Variants in INVS observed in about 807,000 individuals in gnomAD.
INVS encodes inversin.
In INVS, 86 loss-of-function variants were observed where a neutral mutation model predicts 108.8. That is an observed-to-expected ratio of 0.79 (90% CI 0.66 to 0.95). The LOEUF is 0.95. Ranked by LOEUF, INVS falls within the 40% of genes least tolerant of loss-of-function variation. The probability of loss-of-function intolerance (pLI) is 0.00; values close to 1 mark genes in which losing one functional copy is unlikely to be tolerated. For missense variants in INVS, 1,169 were observed against 1,297.4 expected (o/e 0.90, Z 1.52); for synonymous variants, 455 against 473.5 (o/e 0.96, Z 0.51).
intron 3 of INVS, among the ~76,000 whole-genome samples, chr9:100,167,041 G>A (rs1829384491): frequency 6.6e-6 from 1 of 152,032 alleles, no homozygotes; most frequent in Non-Finnish European, 1.5e-5. Flanking sequence ...GACCAGCCTG[G>A]CCAACATGGC....
At chr9:100,297,837 C>G (rs930503077) in intron 15 of INVS, 99 bp from the exon 16 acceptor site, 1 of 1,214,318 alleles carries the variant, frequency 8.2e-7, no homozygotes, top group Non-Finnish European at 1.2e-6. Flanking sequence ...TGACACACAC[C>G]TGCAAGCTCA....
intron 3 of INVS, among the ~76,000 whole-genome samples, chr9:100,192,807 T>C (rs1410253355): frequency 2.0e-5 from 3 of 152,168 alleles, no homozygotes; most frequent in Non-Finnish European, 2.9e-5. Flanking sequence ...ACTGATGAAG[T>C]TGAGTAATTT....
chr9:100,300,509 ATTCCC>A (rs1292599037), intron 16 of INVS, 54 bp from the exon 17 acceptor site: 1 of 1,163,658 alleles, frequency 8.6e-7, no homozygotes, highest in East Asian at 2.4e-5. Flanking sequence ...CCAATGAACT[ATTCCC>A]TTCAGCCTTA....
At chr9:100,207,899 C>T (rs1013404180) in intron 3 of INVS, among the ~76,000 whole-genome samples, 1 of 152,136 alleles carries the variant, frequency 6.6e-6, no homozygotes, top group Admixed American at 6.5e-5. Flanking sequence ...ATTTGGTCCA[C>T]AAAGGGCTTG....
chr9:100,285,410 G>A (rs1453964360), intron 13 of INVS, among the ~76,000 whole-genome samples: 4 of 152,110 alleles, frequency 2.6e-5, no homozygotes, highest in Non-Finnish European at 4.4e-5. Context: ...TCTTGGCATG[G>A]CTTTTTGCAG....
rs1401019147 is a variant in INVS, at chr9:100,202,005, G to A, written c.274-24057G>A. ...CATAGTGCTTCTCATATTCAGAGGC[G>A]GGTACAGTCATTAGGGGGTGCTTTT... On this transcript the variant is annotated intron_variant, in intron 3 of 16. Coordinates refer to ENST00000262457, the MANE Select transcript of INVS (RefSeq NM_014425.5). Among the ~76,000 whole-genome samples the A allele has an allele frequency of 7.2e-5, 11 of 152,132 alleles. No homozygotes were observed. The South Asian group carries it at 8.3e-4, about 11-fold the overall frequency.
chr9:100,287,281 T>C (rs528800067), intron 13 of INVS, among the ~76,000 whole-genome samples: 1 of 152,314 alleles, frequency 6.6e-6, no homozygotes, highest in Non-Finnish European at 1.5e-5. Flanking sequence ...AAAGCGAAGA[T>C]AAAAGCCACA....
At chr9:100,294,222 G>A (rs934625329) in intron 14 of INVS, among the ~76,000 whole-genome samples, 9 of 152,150 alleles carry the variant, frequency 5.9e-5, no homozygotes, top group Admixed American at 3.3e-4. Flanking sequence ...AGAGGAAGAC[G>A]GATGGGGAGG....
At chr9:100,124,888 A>G (rs1038185628) in intron 2 of INVS, among the ~76,000 whole-genome samples, 1 of 152,226 alleles carries the variant, frequency 6.6e-6, no homozygotes, top group Non-Finnish European at 1.5e-5. Context: ...TAAACGGACA[A>G]TCTGTCAAGG....
At chr9:100,174,956 T>G (rs1047241478) in intron 3 of INVS, among the ~76,000 whole-genome samples, 1 of 151,974 alleles carries the variant, frequency 6.6e-6, no homozygotes, top group South Asian at 2.1e-4. Flanking sequence ...ATCAAATTGC[T>G]GAAAACCAAA....
At position 100,148,651 on chromosome 9, in the gene INVS, G is replaced by A. The variant is rs188835708; in HGVS notation, c.273+22102G>A. On this transcript the variant is annotated intron_variant, in intron 3 of 16. Coordinates refer to ENST00000262457, the MANE Select transcript of INVS (RefSeq NM_014425.5). ...AGGAGAAGAGGCAGTAGAAGAATTAGATTTTATGTTTAACACATTAAAATG... is the reference window on the plus strand; with the variant it reads ...AGGAGAAGAGGCAGTAGAAGAATTAAATTTTATGTTTAACACATTAAAATG... Among the ~76,000 whole-genome samples the A allele has an allele frequency of 1.4e-4, 22 of 152,298 alleles. No homozygotes were observed. In the East Asian group the frequency reaches 4.0e-3, roughly 28 times the overall value.
intron 2 of INVS, among the ~76,000 whole-genome samples, chr9:100,108,305 A>T (rs1178986010): frequency 6.6e-6 from 1 of 152,162 alleles, no homozygotes; most frequent in Non-Finnish European, 1.5e-5. Flanking sequence ...ACTTATTTAT[A>T]AATTGTTTTT....
At chr9:100,139,587 G>A (rs1247953072) in intron 3 of INVS, among the ~76,000 whole-genome samples, 9 of 152,010 alleles carry the variant, frequency 5.9e-5, no homozygotes, top group Non-Finnish European at 1.0e-4. Context: ...AATCAGTCCC[G>A]TCATCTGATT....
intron 3 of INVS, among the ~76,000 whole-genome samples, chr9:100,159,159 A>G (rs918415224): frequency 4.6e-5 from 7 of 152,240 alleles, no homozygotes; most frequent in African/African-American, 1.7e-4. Context: ...ACAATCTACA[A>G]AGAATTCAAG....
In INVS at chr9:100,246,622, GT is replaced by G; in HGVS notation, c.915del (p.Val307CysfsTer3). ...YAAQSNFAET[V>X]KVFLKHPSVK... The stretch of plus-strand genomic sequence containing the variant: ...AAATCAAGTTTTCTTACAGGAAACG[GT>G]TAAAGTGTTTTTAAAACATCCTTCA... On this transcript the variant is annotated frameshift_variant, in exon 8 of 17. Transcript: ENST00000262457. LOFTEE classifies it high-confidence loss of function. 2 of 1,613,134 alleles carry G rather than the reference GT, an allele frequency of 1.2e-6. No individual in the cohort carries two copies. Among genetic ancestry groups the G allele is most frequent in the South Asian group, 2.2e-5 (2 of 91,040 alleles).
At chr9:100,176,736 A>G (rs1178433166) in intron 3 of INVS, among the ~76,000 whole-genome samples, 2 of 152,090 alleles carry the variant, frequency 1.3e-5, no homozygotes, top group African/African-American at 4.8e-5. Flanking sequence ...TCAGCCTCCC[A>G]AAGTGCTAGG....
chr9:100,212,409 C>A (rs938444068), intron 3 of INVS, among the ~76,000 whole-genome samples: 1 of 152,172 alleles, frequency 6.6e-6, no homozygotes, highest in Non-Finnish European at 1.5e-5. Context: ...GTTGAGACAA[C>A]TATTAATATA....
intron 3 of INVS, among the ~76,000 whole-genome samples, chr9:100,193,815 A>G (rs1228041305): frequency 6.6e-6 from 1 of 152,186 alleles, no homozygotes. Context: ...TTGTATGGAT[A>G]TATTACAAAT....
At position 100,292,335 on chromosome 9, in the gene INVS, G is replaced by A; in HGVS notation, c.2078G>A (p.Arg693Lys). Residue 693 changes from arginine (R) to lysine (K), a missense_variant, in exon 14 of 17, where the codon AGA (arginine) becomes AAA (lysine). Coordinates refer to ENST00000262457, the MANE Select transcript of INVS (RefSeq NM_014425.5). ...TCTTTGTTTCCTCAAGAAACAGCCA[G>A]AGAACATTCTAAAGGCCAATCTGCT... is the stretch of plus-strand genomic sequence containing the variant. ...TNSRRPNETA[R>K]EHSKGQSACV... is the part of the protein sequence containing the mutation. The A allele has an allele frequency of 6.2e-7, 1 of 1,614,040 alleles. No homozygotes were observed. Among genetic ancestry groups the A allele is most frequent in the Non-Finnish European group, 8.5e-7 (1 of 1,179,934 alleles).
Sources: allele counts gnomAD v4.1 joint callset (sites outside exome capture counted in the v4.1 genomes callset), GRCh38; gene constraint gnomAD v4.1.1; transcripts MANE v1.5; gene names NCBI Gene and HGNC (gene_info 2026-07-23, HGNC 2026-07-21).